Variants in MAP7D2 observed in about 807,000 individuals in gnomAD.
MAP7D2 encodes MAP7 domain-containing protein 2.
Under a neutral mutation model 63.5 loss-of-function variants are expected in MAP7D2, and 33 were observed. The observed-to-expected ratio is 0.52, with a 90% confidence interval of 0.39 to 0.70. The LOEUF (loss-of-function observed/expected upper bound fraction) is 0.70, where lower values mean the gene tolerates loss of function less well. Among genes scored for constraint, MAP7D2 ranks in the 30% least tolerant of loss-of-function variants. MAP7D2 has a pLI of 0.00. For missense variants in MAP7D2, 626 were observed against 604.0 expected (o/e 1.04, Z -0.38); for synonymous variants, 224 against 223.7 (o/e 1.00, Z -0.01).
intron 10 of MAP7D2, among the ~76,000 whole-genome samples, chrX:20,021,170 G>A (rs915945894): frequency 1.3e-4 from 14 of 111,703 alleles, no homozygotes; most frequent in African/African-American, 4.6e-4. Flanking sequence ...TTATATCTTG[G>A]GCCATCCACA....
At chrX:20,111,729 G>A (rs1016279547) in intron 1 of MAP7D2, among the ~76,000 whole-genome samples, 2 of 111,724 alleles carry the variant, frequency 1.8e-5, no homozygotes, top group Non-Finnish European at 3.8e-5. Context: ...CATTTTAAAT[G>A]GGTGGACTAT....
chrX:20,013,298 T>C (rs970045405), intron 13 of MAP7D2, among the ~76,000 whole-genome samples, 166 bp from the exon 14 acceptor site: 1 of 112,237 alleles, frequency 8.9e-6, no homozygotes, highest in Non-Finnish European at 1.9e-5. Context: ...CGTATTTTTA[T>C]GTCAGGATTC....
intron 8 of MAP7D2, among the ~76,000 whole-genome samples, chrX:20,028,208 T>C (rs1333071243): frequency 9.0e-6 from 1 of 111,705 alleles, no homozygotes; most frequent in Non-Finnish European, 1.9e-5. Flanking sequence ...AGAGGTGAAA[T>C]GGCTTCCCAC....
At chrX:20,071,973 A>T (rs1194396210) in intron 1 of MAP7D2, among the ~76,000 whole-genome samples, 4 of 109,893 alleles carry the variant, frequency 3.6e-5, no homozygotes, top group African/African-American at 1.3e-4. Context: ...TTTTCATTTG[A>T]CCCTTGTCCT....
chrX:20,084,466 T>C (rs2065855581), intron 1 of MAP7D2, among the ~76,000 whole-genome samples: 1 of 110,969 alleles, frequency 9.0e-6, no homozygotes, highest in Non-Finnish European at 1.9e-5. Flanking sequence ...TTAGTAAACT[T>C]CTGATAGGTG....
rs1445598937 is a variant in MAP7D2 at position 20,011,033 on chromosome X, G to A, written c.2092C>T (p.Leu698Phe). 2 of 1,208,809 alleles carry A rather than the reference G, an allele frequency of 1.7e-6. No individual in the cohort carries two copies. Among genetic ancestry groups the A allele is most frequent in the African/African-American group, 3.5e-5 (2 of 57,173 alleles). ...MDVSPVSKEELISIPEFSPVS... is the reference protein window; with the variant it reads ...MDVSPVSKEEFISIPEFSPVS... ...GGTGAAAATTCCGGGATAGAGATAA[G>A]CTCTTCTTTTGAAACAGGACTAGAA... is the stretch of plus-strand genomic sequence containing the variant. Residue 698 changes from leucine (L) to phenylalanine (F), a missense_variant, in exon 16 of 17, where the codon CTT becomes TTT. Physicochemically the swap from Leu to Phe is conservative, Grantham distance 22 (BLOSUM62 0). Transcript: ENST00000379643.
chrX:20,009,522 G>C (rs1177514992), intron 16 of MAP7D2, among the ~76,000 whole-genome samples: 1 of 109,247 alleles, frequency 9.2e-6, no homozygotes, highest in African/African-American at 3.3e-5. Flanking sequence ...AAATTAGCCA[G>C]GCATGGCGGC....
At chrX:20,101,021 C>CAAA (rs567374019) in intron 1 of MAP7D2, among the ~76,000 whole-genome samples, 902 of 44,609 alleles carry the variant, frequency 0.02, 18 homozygotes, top group African/African-American at 0.065. Context: ...AACTCCGTCT[C>CAAA]AAAAAAAAAA....
intron 1 of MAP7D2, among the ~76,000 whole-genome samples, chrX:20,082,925 G>A (rs2148455158): frequency 8.9e-6 from 1 of 111,943 alleles, no homozygotes; most frequent in South Asian, 3.7e-4. Flanking sequence ...ACTGCGCCCG[G>A]CCACAGATAG....
intron 1 of MAP7D2, among the ~76,000 whole-genome samples, chrX:20,091,043 T>C (rs2066055368): frequency 9.4e-6 from 1 of 106,006 alleles, no homozygotes; most frequent in South Asian, 4.1e-4. Context: ...TCACTGTGAG[T>C]GGAACACTCT....
At chrX:20,022,635 A>G (rs1416529272) in intron 10 of MAP7D2, among the ~76,000 whole-genome samples, 1 of 111,554 alleles carries the variant, frequency 9.0e-6, no homozygotes, top group Non-Finnish European at 1.9e-5. Context: ...AAGAAGAAGG[A>G]AAGGAAAGAG....
Position 20,057,344 on chromosome X carries a change from T to C in MAP7D2, c.373-553A>G, listed in dbSNP as rs757364025. On this transcript the variant is annotated intron_variant, in intron 3 of 16. Transcript: ENST00000379643. The stretch of plus-strand genomic sequence containing the variant: ...TGCTATATAGTAATCTGGGATAATA[T>C]TGCATATTTCAAAATTTTCAAGAGG... Among the ~76,000 whole-genome samples, 4 of 111,189 alleles carry C rather than the reference T, an allele frequency of 3.6e-5. No homozygotes were observed. The South Asian group carries it at 1.2e-3, about 32-fold the overall frequency.
chrX:20,021,645 CG>C (rs1192609655), intron 10 of MAP7D2: 1 of 111,949 alleles, frequency 8.9e-6, no homozygotes, highest in Non-Finnish European at 1.9e-5. Context: ...ATCATCTGGA[CG>C]TACTGTAGAC....
chrX:20,039,112 C>G (rs972012123), intron 8 of MAP7D2, among the ~76,000 whole-genome samples: 2 of 112,457 alleles, frequency 1.8e-5, no homozygotes, highest in African/African-American at 6.5e-5. Flanking sequence ...TCAGTACCAG[C>G]TACGATCACA....
intron 1 of MAP7D2, among the ~76,000 whole-genome samples, chrX:20,101,160 T>C (rs1436592170): frequency 8.9e-6 from 1 of 112,345 alleles, no homozygotes; most frequent in African/African-American, 3.2e-5. Flanking sequence ...ATAATACATT[T>C]ATTTTGCTTT....
At chrX:20,062,474 T>C (rs1353275661) in intron 3 of MAP7D2, among the ~76,000 whole-genome samples, 1 of 110,766 alleles carries the variant, frequency 9.0e-6, no homozygotes, top group African/African-American at 3.3e-5. Flanking sequence ...TTTTCGTATG[T>C]GTTCTTTAAA....
At chrX:20,054,509 T>C (rs1051744663) in intron 4 of MAP7D2, among the ~76,000 whole-genome samples, 2 of 111,703 alleles carry the variant, frequency 1.8e-5, no homozygotes, top group Non-Finnish European at 3.8e-5. Flanking sequence ...TCTAGTCAAG[T>C]ACTGCACTCA....
intron 1 of MAP7D2, among the ~76,000 whole-genome samples, chrX:20,096,081 CA>C (rs1208579984): frequency 0.025 from 366 of 14,879 alleles, no homozygotes; most frequent in Middle Eastern, 0.062. Context: ...GACTCTTCCT[CA>C]AAAAAAAAAA....
intron 1 of MAP7D2, among the ~76,000 whole-genome samples, chrX:20,106,279 A>G (rs1213243648): frequency 8.9e-6 from 1 of 111,948 alleles, no homozygotes; most frequent in Non-Finnish European, 1.9e-5. Flanking sequence ...CTGTGTGAGG[A>G]CCCACTAGTC....
Sources: gnomAD v4.1 joint callset for allele counts (sites outside exome capture counted in the v4.1 genomes callset) on GRCh38, gnomAD v4.1.1 for gene constraint, MANE v1.5 for transcripts, NCBI Gene and HGNC (gene_info 2026-07-23, HGNC 2026-07-21) for gene names.